The following ADAMTS17 variants were observed in gnomAD, a reference collection of about 807,000 sequenced individuals.
The protein encoded by ADAMTS17 is ADAM metallopeptidase with thrombospondin type 1 motif 17, also known as A disintegrin and metalloproteinase with thrombospondin motifs 17.
Under a neutral mutation model 141.5 loss-of-function variants are expected in ADAMTS17, and 113 were observed. The observed-to-expected ratio is 0.80, with a 90% CI of 0.69 to 0.93. The LOEUF (loss-of-function observed/expected upper bound fraction) is 0.93. Ranked by LOEUF, ADAMTS17 falls within the 40% of genes least tolerant of loss-of-function variation. The pLI, the probability that ADAMTS17 is intolerant of heterozygous loss-of-function variation, is 0.00. For missense variants in ADAMTS17, 1,659 were observed against 1,517.9 expected (o/e 1.09, Z -1.54); for synonymous variants, 768 against 630.6 (o/e 1.22, Z -3.27).
At chr15:100,130,079 C>T (rs915767714) in intron 12 of ADAMTS17, among the ~76,000 whole-genome samples, 2 of 152,052 alleles carry the variant, frequency 1.3e-5, no homozygotes, top group Admixed American at 1.3e-4. Context: ...AGAAGTCATT[C>T]CTGGATTGGG....
chr15:100,309,192 C>T (rs535445284), intron 3 of ADAMTS17, among the ~76,000 whole-genome samples: 2 of 152,198 alleles, frequency 1.3e-5, no homozygotes, highest in South Asian at 4.1e-4. Flanking sequence ...ACCTCATCTC[C>T]ACAAAAAAAT....
At chr15:100,114,849 C>A (rs1389862668) in intron 13 of ADAMTS17, among the ~76,000 whole-genome samples, 1 of 152,178 alleles carries the variant, frequency 6.6e-6, no homozygotes, top group Admixed American at 6.5e-5. Flanking sequence ...AACAGTCCAG[C>A]CATCCAAAAG....
chr15:100,137,338 CTT>C (rs982384506), intron 10 of ADAMTS17, among the ~76,000 whole-genome samples: 10 of 152,178 alleles, frequency 6.6e-5, no homozygotes, highest in African/African-American at 2.4e-4. Context: ...ACATCAATGT[CTT>C]TATCTTTTCT....
chr15:100,337,157 A>C (rs978041443), intron 2 of ADAMTS17, among the ~76,000 whole-genome samples: 1 of 152,254 alleles, frequency 6.6e-6, no homozygotes, highest in African/African-American at 2.4e-5. Flanking sequence ...TACAGGCGTA[A>C]GCCACCGCAC....
At chr15:100,220,843 T>G (rs1345537764) in intron 7 of ADAMTS17, among the ~76,000 whole-genome samples, 2 of 152,240 alleles carry the variant, frequency 1.3e-5, no homozygotes, top group African/African-American at 4.8e-5. Flanking sequence ...GCATGTAATG[T>G]TAGTACTTCT....
chr15:100,265,057 GA>G (rs1430090314), intron 4 of ADAMTS17, among the ~76,000 whole-genome samples: 1 of 152,198 alleles, frequency 6.6e-6, no homozygotes, highest in Non-Finnish European at 1.5e-5. Flanking sequence ...CTTGTAAGAA[GA>G]AATTTCCCCT....
intron 21 of ADAMTS17, among the ~76,000 whole-genome samples, chr15:99,975,764 A>G (rs1319173372): frequency 6.6e-6 from 1 of 152,164 alleles, no homozygotes; most frequent in Admixed American, 6.5e-5. Flanking sequence ...TGCACAGGAA[A>G]CCTACAGTGT....
intron 3 of ADAMTS17, among the ~76,000 whole-genome samples, chr15:100,307,316 G>T (rs569528018): frequency 9.8e-5 from 15 of 152,310 alleles, no homozygotes; most frequent in African/African-American, 3.1e-4. Flanking sequence ...AGTTTGGTGT[G>T]ACGGGGTTCA....
intron 8 of ADAMTS17, among the ~76,000 whole-genome samples, chr15:100,173,675 T>C (rs1213796121): frequency 1.3e-5 from 2 of 152,404 alleles, no homozygotes; most frequent in East Asian, 3.9e-4. Context: ...GGCAAGCTAC[T>C]GAGCCTATGT....
chr15:100,004,617 CTTTTTTTTT>C (rs10591279), intron 18 of ADAMTS17, among the ~76,000 whole-genome samples: 1 of 116,234 alleles, frequency 8.6e-6, no homozygotes. Context: ...TACTGTAATT[CTTTTTTTTT>C]TTTTTTTTTT....
chr15:100,058,934 T>G lies in ADAMTS17; in HGVS notation c.2138-4880A>C, dbSNP rs1342085014. ...GGAAGGAACATACTGGACAACAGAGTGCTAGCGGCAGCCGGTTCTCTGGGG... is the reference window on the plus strand; with the variant it reads ...GGAAGGAACATACTGGACAACAGAGGGCTAGCGGCAGCCGGTTCTCTGGGG... On this transcript the variant is annotated intron_variant, in intron 15 of 21. Transcript: ENST00000268070. Among the ~76,000 whole-genome samples the G allele has an allele frequency of 2.6e-5, 4 of 151,992 alleles. No homozygotes were observed. The East Asian group carries it at 7.7e-4, about 29-fold the overall frequency.
At chr15:100,041,407 G>A (rs1208119154) in intron 18 of ADAMTS17, among the ~76,000 whole-genome samples, 2 of 152,324 alleles carry the variant, frequency 1.3e-5, no homozygotes, top group East Asian at 3.9e-4. Flanking sequence ...TGTTAAATCT[G>A]GTAAAGCACA....
At chr15:100,031,096 T>C (rs1347999816) in intron 18 of ADAMTS17, among the ~76,000 whole-genome samples, 1 of 152,228 alleles carries the variant, frequency 6.6e-6, no homozygotes, top group African/African-American at 2.4e-5. Context: ...TCATTTCCCA[T>C]GTTTACAGAT....
At chr15:100,088,520 C>T (rs946821710) in intron 15 of ADAMTS17, among the ~76,000 whole-genome samples, 1 of 152,052 alleles carries the variant, frequency 6.6e-6, no homozygotes, top group African/African-American at 2.4e-5. Context: ...AAAAAATAGC[C>T]CGCATCGCCA....
intron 12 of ADAMTS17, among the ~76,000 whole-genome samples, chr15:100,127,070 G>T (rs2037774369): frequency 6.6e-6 from 1 of 152,172 alleles, no homozygotes; most frequent in Non-Finnish European, 1.5e-5. Context: ...GGAAAGGGAA[G>T]ACAGCACTGG....
chr15:100,028,409 G>C (rs2029866203), intron 18 of ADAMTS17, among the ~76,000 whole-genome samples: 1 of 152,204 alleles, frequency 6.6e-6, no homozygotes, highest in Non-Finnish European at 1.5e-5. Context: ...CTTGTCTGCT[G>C]TGATTTCTCA....
intron 7 of ADAMTS17, among the ~76,000 whole-genome samples, chr15:100,201,220 C>G (rs764622768): frequency 2.0e-5 from 3 of 152,116 alleles, no homozygotes; most frequent in Non-Finnish European, 2.9e-5. Context: ...CAGGGAGGGA[C>G]CGGGTGGGAA....
intron 3 of ADAMTS17, among the ~76,000 whole-genome samples, chr15:100,287,378 G>C (rs532165185): frequency 1.3e-5 from 2 of 152,216 alleles, no homozygotes; most frequent in South Asian, 4.1e-4. Flanking sequence ...CAAGAAATAT[G>C]GAATTATGTA....
chr15:100,311,842 T>A (rs991555129), intron 3 of ADAMTS17, among the ~76,000 whole-genome samples: 13 of 150,600 alleles, frequency 8.6e-5, no homozygotes, highest in African/African-American at 2.2e-4. Flanking sequence ...AAAAAAAAAA[T>A]ACTTAATATT....
Sources: allele counts gnomAD v4.1 joint callset (sites outside exome capture counted in the v4.1 genomes callset), GRCh38; gene constraint gnomAD v4.1.1; transcripts MANE v1.5; gene names NCBI Gene and HGNC (gene_info 2026-07-23, HGNC 2026-07-21).